Variants in PPP2R3C observed in about 807,000 individuals in gnomAD.
The protein encoded by PPP2R3C is serine/threonine-protein phosphatase 2A regulatory subunit B'' subunit gamma.
A neutral mutation model predicts 63.7 loss-of-function variants in PPP2R3C; 47 were observed. The observed-to-expected ratio is 0.74, with a 90% confidence interval of 0.58 to 0.94. PPP2R3C has a LOEUF of 0.94. PPP2R3C is among the 40% of genes least tolerant of loss of function. The pLI is 0.00. For missense variants in PPP2R3C, 421 were observed against 518.4 expected (o/e 0.81, Z 1.82); for synonymous variants, 180 against 177.4 (o/e 1.01, Z -0.12).
intron 6 of PPP2R3C, chr14:35,102,325 T>C (rs2046225059): frequency 6.6e-6 from 1 of 152,146 alleles, no homozygotes; most frequent in Admixed American, 6.6e-5. Flanking sequence ...TGCCTTCCCA[T>C]GGTTTCTTAT....
intron 1 of PPP2R3C, 25 bp downstream of exon 1, chr14:35,121,877 A>G (rs370445752): frequency 1.9e-4 from 299 of 1,613,500 alleles, no homozygotes; most frequent in Non-Finnish European, 2.4e-4. Context: ...GGCCATCCCA[A>G]CGGGCTGCCC....
Position 35,109,843 on chromosome 14 carries a change from C to T in PPP2R3C, c.380G>A (p.Gly127Asp), listed in dbSNP as rs753963501. Residue 127 changes from glycine to aspartate, a missense_variant, in exon 4 of 13, where the codon GGT (glycine) becomes GAT (aspartate). By Grantham distance (94) the Gly-to-Asp change is moderately conservative. This residue lies in a region of PPP2R3C where 143 missense variants were observed against 151.2 expected (regional missense o/e 0.95). Transcript: ENST00000261475. Reference protein sequence around the residue: ...MINYENFLKVGEKAGAKCKQF... With the variant: ...MINYENFLKVDEKAGAKCKQF... Reference sequence around the variant, plus strand: ...CTTGCACTTTGCTCCAGCCTTTTCACCAACCTTCAAAAAGTTTTCGTAATT... The same window carrying T: ...CTTGCACTTTGCTCCAGCCTTTTCATCAACCTTCAAAAAGTTTTCGTAATT... The T allele has an allele frequency of 6.2e-7, 1 of 1,601,700 alleles. No individual in the cohort carries two copies. The highest frequency in any genetic ancestry group is 2.2e-5 in the East Asian group (1 of 44,792).
intron 11 of PPP2R3C, among the ~76,000 whole-genome samples, chr14:35,089,727 G>A (rs533429439): frequency 3.9e-4 from 59 of 151,900 alleles, no homozygotes; most frequent in African/African-American, 1.3e-3. Flanking sequence ...GTGCAGTGGC[G>A]CAATCTCGGC....
At chr14:35,094,492 A>C (rs918928720) in intron 10 of PPP2R3C, among the ~76,000 whole-genome samples, 5 of 151,978 alleles carry the variant, frequency 3.3e-5, no homozygotes, top group African/African-American at 9.7e-5. Context: ...AAAAAAAAAA[A>C]AAAACTAGAA....
intron 1 of PPP2R3C, chr14:35,117,241 T>C (rs1231387415): frequency 2.2e-6 from 1 of 444,592 alleles, no homozygotes; most frequent in Non-Finnish European, 4.5e-6. Context: ...CAGGGCTCTA[T>C]TACCCTGCAA....
At chr14:35,089,134 TACTC>T (rs2045705943) in intron 11 of PPP2R3C, among the ~76,000 whole-genome samples, 1 of 152,154 alleles carries the variant, frequency 6.6e-6, no homozygotes, top group African/African-American at 2.4e-5. Context: ...GATAGGGTCT[TACTC>T]TGTCATTCAG....
intron 10 of PPP2R3C, among the ~76,000 whole-genome samples, chr14:35,094,661 C>T (rs552898295): frequency 7.0e-6 from 1 of 142,764 alleles, no homozygotes; most frequent in East Asian, 2.0e-4. Flanking sequence ...CACTGTTACA[C>T]AGTGATATCA....
chr14:35,099,033 G>A (rs2046100169), intron 7 of PPP2R3C: 2 of 484,358 alleles, frequency 4.1e-6, no homozygotes, highest in Admixed American at 4.5e-5. Context: ...CACACAGCAG[G>A]TTATGGTCAG....
At chr14:35,109,126 G>A (rs994557910) in intron 4 of PPP2R3C, among the ~76,000 whole-genome samples, 1 of 150,528 alleles carries the variant, frequency 6.6e-6, no homozygotes. Context: ...GCACGATCTC[G>A]GCTCACTGCA....
chr14:35,101,855 G>A (rs1417491558), intron 6 of PPP2R3C: 1 of 151,974 alleles, frequency 6.6e-6, no homozygotes, highest in Non-Finnish European at 1.5e-5. Flanking sequence ...ACTGTTTCAG[G>A]TATTTCCCCC....
Position 35,119,611 on chromosome 14 carries a change from G to A in PPP2R3C, c.58+2291C>T, listed in dbSNP as rs575263555. Among the ~76,000 whole-genome samples the A allele has an allele frequency of 2.0e-3, 299 of 151,918 alleles. 2 individuals are homozygous for A. The highest frequency in any genetic ancestry group is 7.0e-3 in the African/African-American group (288 of 41,404). ...CCCATCTCGGCCTCCCAAAGTGCTG[G>A]GGTTACATGAATGAGCCACCGAGCC... On this transcript the variant is annotated intron_variant, in intron 1 of 12. Transcript: ENST00000261475.
chr14:35,094,336 A>G (rs1404679273), intron 10 of PPP2R3C, among the ~76,000 whole-genome samples: 2 of 152,072 alleles, frequency 1.3e-5, no homozygotes, highest in Non-Finnish European at 2.9e-5. Flanking sequence ...ATGCCCAAGT[A>G]ATTTTTTTAT....
At chr14:35,118,678 CTG>C (rs1337779007) in intron 1 of PPP2R3C, among the ~76,000 whole-genome samples, 1 of 39,042 alleles carries the variant, frequency 2.6e-5, no homozygotes, top group Non-Finnish European at 7.0e-5. Flanking sequence ...TTTTCCGAGA[CTG>C]AGTCTCACTG....
chr14:35,092,213 TACAC>T (rs2045844232), intron 10 of PPP2R3C, among the ~76,000 whole-genome samples: 2 of 152,072 alleles, frequency 1.3e-5, no homozygotes, highest in South Asian at 2.1e-4. Context: ...AGACTACAGG[TACAC>T]GCCATCACAC....
At chr14:35,086,113 G>A (rs1339415933) in intron 12 of PPP2R3C, 1 of 198,314 alleles carries the variant, frequency 5.0e-6, no homozygotes, top group East Asian at 1.2e-4. Flanking sequence ...AGTGTTCAGG[G>A]ACTGCACGTT....
chr14:35,107,657 T>C (rs1026607269), intron 5 of PPP2R3C: 30 of 386,086 alleles, frequency 7.8e-5, no homozygotes, highest in Non-Finnish European at 1.2e-4. Context: ...ATGCCTTCAG[T>C]GAAGCTGCTT....
chr14:35,113,936 C>G (rs1338148659), intron 2 of PPP2R3C, among the ~76,000 whole-genome samples: 1 of 152,068 alleles, frequency 6.6e-6, no homozygotes, highest in African/African-American at 2.4e-5. Context: ...GTCAGGTGCT[C>G]TCTCTCCCTT....
At chr14:35,087,293 G>C (rs1283771080) in intron 12 of PPP2R3C, 2 of 152,140 alleles carry the variant, frequency 1.3e-5, no homozygotes, top group Non-Finnish European at 2.9e-5. Flanking sequence ...ATTACTAAAA[G>C]TGAACAGGCT....
rs749966049 is a variant in PPP2R3C at position 35,109,925 on chromosome 14, A to G, written c.298T>C (p.Trp100Arg). ...GTCTGGTGTTTGTCCAGCAAAAACC[A>G]TAAGTTCTTAAGAGAATTGTGGAAG... is the stretch of plus-strand genomic sequence containing the variant. ...LLDNEELQNL[W>R]FLLDKHQTPP... is the part of the protein sequence containing the mutation. Residue 100 changes from tryptophan (W) to arginine (R), a missense_variant, in exon 4 of 13, where the codon TGG (tryptophan) becomes CGG (arginine). This residue lies in a region of PPP2R3C where 143 missense variants were observed against 151.2 expected (regional missense o/e 0.95). Coordinates refer to ENST00000261475, the MANE Select transcript of PPP2R3C (RefSeq NM_017917.4). 9 of 1,591,904 alleles carry G rather than the reference A, an allele frequency of 5.7e-6. No homozygotes were observed. The highest frequency in any genetic ancestry group is 2.7e-5 in the African/African-American group (2 of 74,224).
Sources: gnomAD v4.1 joint callset for allele counts (sites outside exome capture counted in the v4.1 genomes callset) on GRCh38, gnomAD v4.1.1 for gene constraint, gnomAD v4.1.1 regional missense constraint, MANE v1.5 for transcripts, NCBI Gene and HGNC (gene_info 2026-07-23, HGNC 2026-07-21) for gene names.